Variants in ARHGEF28 observed in about 807,000 individuals in gnomAD.
ARHGEF28 encodes the protein 190 kDa guanine nucleotide exchange factor.
Under a neutral mutation model 206.6 loss-of-function variants are expected in ARHGEF28, and 152 were observed. The ratio of observed to expected loss-of-function variants is 0.74; its 90% confidence interval spans 0.64 to 0.84. ARHGEF28 has a LOEUF of 0.84. Among genes scored for constraint, ARHGEF28 ranks in the 40% least tolerant of loss-of-function variants. The pLI, the probability that ARHGEF28 is intolerant of heterozygous loss-of-function variation, is 0.00. For missense variants in ARHGEF28, 2,028 were observed against 2,073.2 expected (o/e 0.98, Z 0.42); for synonymous variants, 763 against 776.4 (o/e 0.98, Z 0.29).
At chr5:73,692,531 C>G (rs142697657) in intron 2 of ARHGEF28, among the ~76,000 whole-genome samples, 134 of 152,156 alleles carry the variant, frequency 8.8e-4, no homozygotes, top group African/African-American at 3.1e-3. Flanking sequence ...TGTGTTTGGT[C>G]CCAAGAATGT....
chr5:73,844,030 A>G (rs939457166), intron 11 of ARHGEF28, among the ~76,000 whole-genome samples: 4 of 152,208 alleles, frequency 2.6e-5, no homozygotes, highest in African/African-American at 9.6e-5. Context: ...TTGATTTCTT[A>G]TCCCACTACT....
chr5:73,726,986 G>A (rs1207577173), intron 2 of ARHGEF28, among the ~76,000 whole-genome samples: 3 of 152,138 alleles, frequency 2.0e-5, no homozygotes, highest in Non-Finnish European at 2.9e-5. Flanking sequence ...ATTTCTAATG[G>A]TTTTTATAAC....
chr5:73,920,319 T>TA lies in ARHGEF28; in HGVS notation c.4948+8750dup, dbSNP rs1285649350. On this transcript the variant is annotated intron_variant, in intron 35 of 35. Coordinates refer to ENST00000513042, the MANE Select transcript of ARHGEF28 (RefSeq NM_001177693.2). The stretch of plus-strand genomic sequence containing the variant: ...CTTACTGGATTCCTAGTAGTAGACT[T>TA]AAAAAATTACAAACTTTTCTTCTGC... Among the ~76,000 whole-genome samples, 9 of 152,318 alleles carry TA rather than the reference T, an allele frequency of 5.9e-5. No homozygotes were observed. The South Asian group carries it at 6.2e-4, about 11-fold the overall frequency.
chr5:73,752,650 TAGG>T (rs910234449), intron 3 of ARHGEF28, among the ~76,000 whole-genome samples: 2 of 152,156 alleles, frequency 1.3e-5, no homozygotes, highest in African/African-American at 4.8e-5. Flanking sequence ...TTGGTAACGA[TAGG>T]AGAACAGATG....
intron 31 of ARHGEF28, 27 bp from the exon 32 acceptor site, chr5:73,904,195 C>A: frequency 6.2e-7 from 1 of 1,610,984 alleles, no homozygotes; most frequent in South Asian, 1.1e-5. Context: ...AATGGTTATT[C>A]ATTTTCTTGT....
intron 35 of ARHGEF28, among the ~76,000 whole-genome samples, chr5:73,937,048 T>C (rs1394020024): frequency 1.3e-5 from 2 of 152,138 alleles, no homozygotes; most frequent in South Asian, 2.1e-4. Context: ...CAGAGAAAAG[T>C]GTGAAAAATG....
intron 9 of ARHGEF28, among the ~76,000 whole-genome samples, chr5:73,819,223 A>G (rs951195582): frequency 1.3e-5 from 2 of 152,214 alleles, no homozygotes; most frequent in Admixed American, 1.3e-4. Flanking sequence ...GAGAGGTGCC[A>G]AATGTTGCGC....
At chr5:73,865,269 G>A (rs752043133) in intron 17 of ARHGEF28, among the ~76,000 whole-genome samples, 2 of 150,620 alleles carry the variant, frequency 1.3e-5, no homozygotes, top group Non-Finnish European at 2.9e-5. Flanking sequence ...ATAGATCTGA[G>A]GTAGGGCCTG....
At chr5:73,921,567 G>A (rs1057328206) in intron 35 of ARHGEF28, among the ~76,000 whole-genome samples, 4 of 152,180 alleles carry the variant, frequency 2.6e-5, no homozygotes, top group African/African-American at 9.7e-5. Flanking sequence ...TAGTTATGCA[G>A]GATAGGTTTC....
intron 2 of ARHGEF28, among the ~76,000 whole-genome samples, chr5:73,732,415 A>G (rs1750674382): frequency 6.6e-6 from 1 of 150,926 alleles, no homozygotes; most frequent in Admixed American, 6.6e-5. Flanking sequence ...ATTTCTTTTT[A>G]ATGCTGAATG....
Position 73,813,782 on chromosome 5 carries a change from C to A in ARHGEF28, c.1024+18391C>A, listed in dbSNP as rs149335773. 3.3e-6 allele frequency: 4 copies of A among 1,217,322 alleles called. No homozygotes were observed. The African/African-American group carries it at 4.5e-5, about 14-fold the overall frequency. The allele number at this position is 1,217,322 out of a possible 1,614,324, so 75.4% of individuals were successfully genotyped here. A position where few individuals can be genotyped will look rare whatever the true frequency, so the allele number is the denominator to read the frequency against. Reference sequence around the variant, plus strand: ...TTTTCCAATGTAGCGCGTGTTTATACGTGCCTTTATAAAACACTCACTGTA... The same window carrying A: ...TTTTCCAATGTAGCGCGTGTTTATAAGTGCCTTTATAAAACACTCACTGTA... On this transcript the variant is annotated intron_variant, in intron 9 of 35. Coordinates refer to ENST00000513042, the MANE Select transcript of ARHGEF28 (RefSeq NM_001177693.2).
intron 1 of ARHGEF28, among the ~76,000 whole-genome samples, chr5:73,642,097 C>T (rs769338972): frequency 2.0e-5 from 3 of 152,154 alleles, no homozygotes; most frequent in South Asian, 2.1e-4. Flanking sequence ...AGGCTTGGAG[C>T]GGGGGAATCC....
intron 4 of ARHGEF28, among the ~76,000 whole-genome samples, chr5:73,756,785 A>C (rs1004112036): frequency 1.3e-5 from 2 of 152,218 alleles, no homozygotes; most frequent in Non-Finnish European, 2.9e-5. Context: ...CTTCTGTGTC[A>C]GTTTTAATTT....
intron 2 of ARHGEF28, among the ~76,000 whole-genome samples, chr5:73,745,798 G>T (rs979687591): frequency 6.6e-6 from 1 of 152,034 alleles, no homozygotes; most frequent in African/African-American, 2.4e-5. Flanking sequence ...GATTCCAACT[G>T]GTTCACTTGG....
chr5:73,791,413 C>T (rs1015435745), intron 7 of ARHGEF28, among the ~76,000 whole-genome samples: 5 of 152,196 alleles, frequency 3.3e-5, no homozygotes, highest in Non-Finnish European at 7.3e-5. Flanking sequence ...TGGTTTTCCA[C>T]CTGTGCTTTT....
intron 1 of ARHGEF28, among the ~76,000 whole-genome samples, chr5:73,642,610 T>C (rs1744187482): frequency 6.6e-6 from 1 of 152,108 alleles, no homozygotes; most frequent in Non-Finnish European, 1.5e-5. Flanking sequence ...TTTTTTTTTG[T>C]TCTGTTCTAC....
chr5:73,822,692 A>T (rs1756672184), intron 9 of ARHGEF28, among the ~76,000 whole-genome samples: 1 of 152,168 alleles, frequency 6.6e-6, no homozygotes, highest in South Asian at 2.1e-4. Context: ...ACAAGAACAT[A>T]GCTCACTGCA....
chr5:73,798,447 T>G (rs892641985), intron 9 of ARHGEF28, among the ~76,000 whole-genome samples: 1 of 152,098 alleles, frequency 6.6e-6, no homozygotes, highest in Non-Finnish European at 1.5e-5. Flanking sequence ...CTTGGGTGAG[T>G]AACAACTGGC....
At chr5:73,663,915 A>C (rs1386802408) in intron 1 of ARHGEF28, among the ~76,000 whole-genome samples, 1 of 152,230 alleles carries the variant, frequency 6.6e-6, no homozygotes, top group Non-Finnish European at 1.5e-5. Context: ...CAGGAGCCCT[A>C]GGGTAGAGGT....
Sources: gnomAD v4.1 joint callset for allele counts (sites outside exome capture counted in the v4.1 genomes callset) on GRCh38, gnomAD v4.1.1 for gene constraint, MANE v1.5 for transcripts, NCBI Gene and HGNC (gene_info 2026-07-23, HGNC 2026-07-21) for gene names.